The following KIF24 variants were observed in gnomAD, a reference collection of about 807,000 sequenced individuals.
The protein encoded by KIF24 is kinesin family member 24.
In KIF24, 81 loss-of-function variants were observed where a neutral mutation model predicts 118.9. The observed-to-expected ratio is 0.68, with a 90% CI of 0.57 to 0.82. The LOEUF (loss-of-function observed/expected upper bound fraction) is 0.82, where lower values mean the gene tolerates loss of function less well. Ranked by LOEUF, KIF24 falls within the 40% of genes least tolerant of loss-of-function variation. The pLI is 0.00. For synonymous variants in KIF24, 599 were observed against 610.0 expected, an observed-to-expected ratio of 0.98 and a Z score of 0.27; for missense variants, 1,560 against 1,661.6, an observed-to-expected ratio of 0.94 and a Z score of 1.06.
chr9:34,291,144 G>C (rs1169058455), intron 4 of KIF24, among the ~76,000 whole-genome samples: 1 of 152,170 alleles, frequency 6.6e-6, no homozygotes, highest in Non-Finnish European at 1.5e-5. Flanking sequence ...AGATGGTAGT[G>C]ACCACTCATA....
At chr9:34,264,887 G>C (rs1053418658) in intron 8 of KIF24, among the ~76,000 whole-genome samples, 11 of 152,134 alleles carry the variant, frequency 7.2e-5, no homozygotes, top group African/African-American at 2.2e-4. Flanking sequence ...GCACAAGGCA[G>C]CATATACAAC....
intron 1 of KIF24, among the ~76,000 whole-genome samples, chr9:34,324,250 C>T (rs1837606600): frequency 6.6e-6 from 1 of 152,210 alleles, no homozygotes; most frequent in South Asian, 2.1e-4. Context: ...CACAGTCGAG[C>T]ATCTGAACTT....
chr9:34,294,269 T>C (rs1836373492), intron 4 of KIF24, among the ~76,000 whole-genome samples: 1 of 152,120 alleles, frequency 6.6e-6, no homozygotes, highest in Non-Finnish European at 1.5e-5. Flanking sequence ...TTCTTATAAA[T>C]ATAAACCTAT....
At chr9:34,329,676 C>T (rs1335548905), upstream of KIF24, 1 of 152,428 alleles carries the variant, frequency 6.6e-6, no homozygotes, top group Admixed American at 6.5e-5. Flanking sequence ...GAATCTGCCT[C>T]TGGCAAACCT....
chr9:34,292,015 T>C (rs1563951014), intron 4 of KIF24, among the ~76,000 whole-genome samples: 2 of 152,190 alleles, frequency 1.3e-5, no homozygotes, highest in African/African-American at 4.8e-5. Context: ...AAAACAGTTG[T>C]GTTGAATTTC....
In KIF24 at chr9:34,290,339, T is replaced by A; in HGVS notation, c.962A>T (p.Tyr321Phe). 1 of 1,613,864 alleles carries A rather than the reference T, an allele frequency of 6.2e-7. No individual in the cohort carries two copies. The highest frequency in any genetic ancestry group is 8.5e-7 in the Non-Finnish European group (1 of 1,179,774). The change falls in exon 5 of 13, where the codon TAC becomes TTC. Residue 321 changes from tyrosine (Y) to phenylalanine (F), a missense_variant. Transcript: ENST00000402558. ...GTTCTCATGAGTTCCTATCATGGTG[T>A]AGGTCTTTCCAGCACCTGTCTGTCC... The part of the protein sequence containing the change: ...AYGQTGAGKT[Y>F]TMIGTHENPG...
chr9:34,333,240 A>G (rs1297933088), upstream of KIF24, among the ~76,000 whole-genome samples: 2 of 152,180 alleles, frequency 1.3e-5, no homozygotes, highest in Non-Finnish European at 2.9e-5. Context: ...ACCAGGATTT[A>G]ACATCTACGG....
chr9:34,255,604 T>C (rs776695768), intron 11 of KIF24, 131 bp downstream of exon 11: 161 of 770,434 alleles, frequency 2.1e-4, no homozygotes, highest in Admixed American at 4.1e-4. Flanking sequence ...AAGCAGAGGG[T>C]TGGAGCTAGA....
At position 34,256,347 on chromosome 9, in the gene KIF24, C is replaced by T. The variant is rs912228422; in HGVS notation, c.3260G>A (p.Gly1087Asp). 1.1e-5 allele frequency: 18 copies of T among 1,613,562 alleles called. No individual in the cohort carries two copies. The highest frequency in any genetic ancestry group is 1.4e-5 in the Non-Finnish European group (17 of 1,179,844). The change falls in exon 11 of 13, where the codon GGC (glycine) becomes GAC (aspartate). Residue 1087 changes from glycine (G) to aspartate (D), a missense_variant. By Grantham distance (94) the Gly-to-Asp change is moderately conservative. Coordinates refer to ENST00000402558, the MANE Select transcript of KIF24 (RefSeq NM_194313.4). ...TGGCACTGTGTGGCTCACAACTGGG[C>T]CCCCTGTGCTCTCTGCCACTAGACT... The part of the protein sequence containing the change: ...THSLVAESTG[G>D]PVVSHTVPSG...
At chr9:34,319,779 A>C in intron 1 of KIF24, 1 of 576,974 alleles carries the variant, frequency 1.7e-6, no homozygotes, top group Admixed American at 2.2e-5. Flanking sequence ...GTGGACAAAC[A>C]AACCAGGGTT....
chr9:34,265,748 A>G (rs1835261033), intron 8 of KIF24, among the ~76,000 whole-genome samples: 1 of 152,184 alleles, frequency 6.6e-6, no homozygotes, highest in Admixed American at 6.5e-5. Context: ...ATATTAAAGT[A>G]GAGCAAATAA....
At chr9:34,280,088 T>G (rs1835791831) in intron 6 of KIF24, among the ~76,000 whole-genome samples, 1 of 150,906 alleles carries the variant, frequency 6.6e-6, no homozygotes, top group Admixed American at 6.6e-5. Context: ...ATCGAGACCA[T>G]CCCGGCTAAA....
At chr9:34,283,221 T>A (rs1221961574) in intron 6 of KIF24, among the ~76,000 whole-genome samples, 1 of 151,370 alleles carries the variant, frequency 6.6e-6, no homozygotes, top group Non-Finnish European at 1.5e-5. Flanking sequence ...GCCAAAAAAA[T>A]TAGCCGGGTG....
In KIF24 at chr9:34,299,803, G is replaced by GAT. The variant is rs199737379; in HGVS notation, c.814-2691_814-2690dup. ...TATATATATATAGCTGGGCTACCAA[G>GAT]ATGTGTGTGTGTGTGTGTGCGTGTG... On this transcript the variant is annotated intron_variant, in intron 3 of 12. Transcript: ENST00000402558. Among the ~76,000 whole-genome samples, 247 of 111,480 alleles carry GAT rather than the reference G, an allele frequency of 2.2e-3. 1 individual carries two copies. Among genetic ancestry groups the GAT allele is most frequent in the African/African-American group, 6.7e-3 (229 of 34,060 alleles). The allele number at this position is 111,480 out of a possible 152,430, so 73.1% of individuals were successfully genotyped here. A position where few individuals can be genotyped will look rare whatever the true frequency, so the allele number is the denominator to read the frequency against.
rs139829108 is a variant in KIF24 at position 34,276,390 on chromosome 9, G to A, written c.1216-4460C>T. Reference sequence around the variant, plus strand: ...GCACTCCAGCCTGGGGGACAAGAGTGAAACTGCATCTCAAAAAAAAAAAAA... The same window carrying A: ...GCACTCCAGCCTGGGGGACAAGAGTAAAACTGCATCTCAAAAAAAAAAAAA... On this transcript the variant is annotated intron_variant, in intron 6 of 12. Transcript: ENST00000402558. Among the ~76,000 whole-genome samples the A allele has an allele frequency of 9.2e-3, 1,100 of 119,512 alleles. 17 individuals carry two copies. Among genetic ancestry groups the A allele is most frequent in the African/African-American group, 0.033 (1,034 of 31,054 alleles). 78.4% of individuals were successfully genotyped at this position (119,512 alleles called of 152,430 possible). A position where few individuals can be genotyped will look rare whatever the true frequency, so the allele number is the denominator to read the frequency against.
At chr9:34,300,305 G>A (rs538975282) in intron 3 of KIF24, among the ~76,000 whole-genome samples, 7 of 151,998 alleles carry the variant, frequency 4.6e-5, no homozygotes, top group East Asian at 1.9e-4. Flanking sequence ...ACATAGAGAG[G>A]TCATTAAACT....
intron 9 of KIF24, among the ~76,000 whole-genome samples, chr9:34,260,880 G>A (rs951349998): frequency 1.3e-5 from 2 of 152,170 alleles, no homozygotes; most frequent in Non-Finnish European, 2.9e-5. Context: ...CTTGTGGCAG[G>A]AGAATCGCTT....
intron 6 of KIF24, among the ~76,000 whole-genome samples, chr9:34,275,278 C>G (rs920784947): frequency 1.3e-5 from 2 of 152,042 alleles, no homozygotes; most frequent in African/African-American, 4.8e-5. Flanking sequence ...CTTGTAGTCC[C>G]AGCTACTCAG....
At chr9:34,272,844 G>A (rs1835556130) in intron 6 of KIF24, among the ~76,000 whole-genome samples, 2 of 152,068 alleles carry the variant, frequency 1.3e-5, no homozygotes, top group African/African-American at 4.8e-5. Context: ...GGCTGGTCTT[G>A]AACTCCTGAG....
Sources: allele counts gnomAD v4.1 joint callset (sites outside exome capture counted in the v4.1 genomes callset), GRCh38; gene constraint gnomAD v4.1.1; transcripts MANE v1.5; gene names NCBI Gene and HGNC (gene_info 2026-07-23, HGNC 2026-07-21).